Variants in MNAT1 observed in about 807,000 individuals in gnomAD.
MNAT1 encodes CDK-activating kinase assembly factor MAT1.
A neutral mutation model predicts 42.0 loss-of-function variants in MNAT1; 43 were observed. The observed-to-expected ratio is 1.02, with a 90% CI of 0.80 to 1.32. MNAT1 has a LOEUF of 1.32. Among genes scored for constraint, MNAT1 ranks in the 40% most tolerant of loss-of-function variants. The pLI is 0.00. For missense variants in MNAT1, 306 were observed against 350.4 expected (o/e 0.87, Z 1.01); for synonymous variants, 118 against 120.0 (o/e 0.98, Z 0.11).
chr14:60,814,677 C>T (rs2032657713), intron 5 of MNAT1, among the ~76,000 whole-genome samples: 1 of 151,850 alleles, frequency 6.6e-6, no homozygotes. Flanking sequence ...AGGTGAGAAA[C>T]TAAAGGAAAA....
At chr14:60,901,013 CAAAAAAAAAAAAAA>C (rs56345746) in intron 7 of MNAT1, among the ~76,000 whole-genome samples, 582 of 36,656 alleles carry the variant, frequency 0.016, 10 homozygotes, top group African/African-American at 0.065. Context: ...GAGCCTGTCT[CAAAAAAAAAAAAAA>C]AAAAAAAAAA....
At position 60,913,059 on chromosome 14, in the gene MNAT1, G is replaced by A. The variant is rs935895369; in HGVS notation, c.809+33224G>A. On this transcript the variant is annotated intron_variant, in intron 7 of 7. Coordinates refer to ENST00000261245, the MANE Select transcript of MNAT1 (RefSeq NM_002431.4). ...CTTTTTTCTCTAAACTTCTCTTCAC[G>A]CTTCATTTCATTCATTTCATCTTCC... Among the ~76,000 whole-genome samples, 15 of 151,916 alleles carry A rather than the reference G, an allele frequency of 9.9e-5. 1 individual carries two copies. The highest frequency in any genetic ancestry group is 8.4e-4 in the South Asian group (4 of 4,788).
rs180705911 is a variant in MNAT1 at position 60,844,004 on chromosome 14, A to G, written c.687+25157A>G. ...GTTTGGGTTTCTTTTTTGCATGTGA[A>G]CATTTAGTTGTATTTGTAGAGAATA... is the stretch of plus-strand genomic sequence containing the variant. On this transcript the variant is annotated intron_variant, in intron 6 of 7. Coordinates refer to ENST00000261245, the MANE Select transcript of MNAT1 (RefSeq NM_002431.4). Among the ~76,000 whole-genome samples the G allele has an allele frequency of 3.2e-3, 491 of 152,164 alleles. 2 individuals carry two copies. Among genetic ancestry groups the G allele is most frequent in the South Asian group, 0.022 (106 of 4,810 alleles).
chr14:60,748,878 A>G (rs2029948029), intron 1 of MNAT1, among the ~76,000 whole-genome samples: 1 of 151,904 alleles, frequency 6.6e-6, no homozygotes. Flanking sequence ...ATTTATTATC[A>G]TTATTAACTA....
chr14:60,926,867 G>C (rs1414345493), intron 7 of MNAT1, among the ~76,000 whole-genome samples: 2 of 152,034 alleles, frequency 1.3e-5, no homozygotes, highest in African/African-American at 4.8e-5. Context: ...TTCCCCTTGT[G>C]AACCAACCCC....
intron 7 of MNAT1, among the ~76,000 whole-genome samples, chr14:60,888,936 A>G (rs553797889): frequency 8.1e-4 from 114 of 140,172 alleles, no homozygotes; most frequent in African/African-American, 2.4e-3. Context: ...CCACTGCTCA[A>G]TGAAATAAAA....
intron 7 of MNAT1, among the ~76,000 whole-genome samples, chr14:60,917,464 G>A (rs1168921705): frequency 6.6e-6 from 1 of 151,856 alleles, no homozygotes; most frequent in Non-Finnish European, 1.5e-5. Flanking sequence ...TATATTCTTG[G>A]TTTAGATGGT....
rs1367970366 is a variant in MNAT1, at chr14:60,828,469, A to T, written c.687+9622A>T. 5.3e-5 allele frequency among the ~76,000 whole-genome samples: 8 copies of T among 152,232 alleles called. No homozygotes were observed. In the South Asian group the frequency reaches 1.5e-3, roughly 28 times the overall value. The stretch of plus-strand genomic sequence containing the variant: ...CTATAGACTCCTATATAGTAGGAAA[A>T]AAACAACTCATTTTCCCCTGCTGCA... On this transcript the variant is annotated intron_variant, in intron 6 of 7. Transcript: ENST00000261245.
chr14:60,792,063 G>A (rs2031841190), intron 1 of MNAT1, among the ~76,000 whole-genome samples: 2 of 152,140 alleles, frequency 1.3e-5, no homozygotes, highest in South Asian at 4.1e-4. Flanking sequence ...TGAGTTCCAA[G>A]TAGCTAATTT....
chr14:60,738,080 CAAA>C (rs35298974), intron 1 of MNAT1, among the ~76,000 whole-genome samples: 8 of 115,658 alleles, frequency 6.9e-5, no homozygotes, highest in Admixed American at 1.8e-4. Flanking sequence ...CCCTATCTTA[CAAA>C]AAAAAAAAAA....
intron 6 of MNAT1, among the ~76,000 whole-genome samples, chr14:60,877,883 A>T (rs1165166964): frequency 3.3e-5 from 5 of 152,046 alleles, no homozygotes; most frequent in African/African-American, 1.2e-4. Context: ...TTTTCATCCA[A>T]TTTAGTTTTC....
chr14:60,782,933 T>G (rs111305151), intron 1 of MNAT1, among the ~76,000 whole-genome samples: 2,171 of 152,336 alleles, frequency 0.014, 37 homozygotes, highest in South Asian at 0.044. Flanking sequence ...GTGTGTTCTT[T>G]CCTAACTATA....
At chr14:60,823,578 G>C (rs2032967302) in intron 6 of MNAT1, among the ~76,000 whole-genome samples, 1 of 152,150 alleles carries the variant, frequency 6.6e-6, no homozygotes, top group Admixed American at 6.5e-5. Context: ...GTACTTGTGG[G>C]CTGGGCATGG....
chr14:60,930,088 T>G (rs1337683009), intron 7 of MNAT1, among the ~76,000 whole-genome samples: 1 of 151,956 alleles, frequency 6.6e-6, no homozygotes, highest in Non-Finnish European at 1.5e-5. Flanking sequence ...GTAGAGGTCA[T>G]TGAGGCAGTG....
intron 1 of MNAT1, among the ~76,000 whole-genome samples, chr14:60,766,151 C>T (rs568253220): frequency 9.9e-5 from 15 of 151,928 alleles, no homozygotes; most frequent in South Asian, 2.1e-4. Context: ...AGTTTGAGAC[C>T]GGCTTGGCCA....
intron 7 of MNAT1, among the ~76,000 whole-genome samples, chr14:60,937,214 GA>G (rs1282844852): frequency 6.6e-6 from 1 of 152,138 alleles, no homozygotes; most frequent in African/African-American, 2.4e-5. Context: ...TTGCTGTGCA[GA>G]AGCTCTTTAG....
chr14:60,858,356 G>A (rs1211917280), intron 6 of MNAT1, among the ~76,000 whole-genome samples: 1 of 151,010 alleles, frequency 6.6e-6, no homozygotes, highest in African/African-American at 2.4e-5. Flanking sequence ...TGTGTTTGTT[G>A]GCTGCATAAA....
intron 1 of MNAT1, among the ~76,000 whole-genome samples, chr14:60,763,337 T>C (rs889334730): frequency 7.9e-5 from 12 of 152,182 alleles, no homozygotes; most frequent in Non-Finnish European, 2.9e-5. Flanking sequence ...ATAATTAAAG[T>C]GGAGTGGTTT....
intron 7 of MNAT1, among the ~76,000 whole-genome samples, chr14:60,892,846 G>A (rs4151312): frequency 0.99 from 151,091 of 152,240 alleles, 74,989 homozygotes; most frequent in East Asian, 1. Context: ...GTAACATGCA[G>A]AAACTCTGCT....
Sources: gnomAD v4.1 joint callset for allele counts (sites outside exome capture counted in the v4.1 genomes callset) on GRCh38, gnomAD v4.1.1 for gene constraint, MANE v1.5 for transcripts, NCBI Gene and HGNC (gene_info 2026-07-23, HGNC 2026-07-21) for gene names.